The following CUL3 variants were observed in gnomAD, a reference collection of about 807,000 sequenced individuals.
CUL3 encodes the protein cullin-3.
CUL3 carries 19 observed loss-of-function variants against 89.1 expected under a neutral mutation model. That is an observed-to-expected ratio of 0.21 (90% CI 0.15 to 0.31). The LOEUF (loss-of-function observed/expected upper bound fraction) is 0.31, where lower values mean the gene tolerates loss of function less well. Ranked by LOEUF, CUL3 falls within the 10% of genes least tolerant of loss-of-function variation. The pLI, the probability that CUL3 is intolerant of heterozygous loss-of-function variation, is 1.00. For synonymous variants in CUL3, 351 were observed against 308.4 expected, an observed-to-expected ratio of 1.14 and a Z score of -1.45; for missense variants, 469 against 942.3, an observed-to-expected ratio of 0.50 and a Z score of 6.58.
At chr2:224,516,412 G>GT (rs892356157) in intron 3 of CUL3, among the ~76,000 whole-genome samples, 2 of 151,032 alleles carry the variant, frequency 1.3e-5, no homozygotes, top group African/African-American at 4.9e-5. Flanking sequence ...TGCCTCCCGA[G>GT]TTTAAGCGAT....
At chr2:224,518,114 G>A (rs1693134067) in intron 3 of CUL3, among the ~76,000 whole-genome samples, 1 of 152,142 alleles carries the variant, frequency 6.6e-6, no homozygotes. Context: ...CTTTTATCGG[G>A]ATTTGCAGCT....
chr2:224,479,882 G>A (rs1691469198), intron 14 of CUL3: 1 of 152,150 alleles, frequency 6.6e-6, no homozygotes, highest in Admixed American at 6.5e-5. Context: ...TCTGGATGTG[G>A]TCACCTAAAT....
At chr2:224,478,553 T>A in intron 14 of CUL3, 1 of 425,098 alleles carries the variant, frequency 2.4e-6, no homozygotes, top group Non-Finnish European at 4.1e-6. Flanking sequence ...GAATTTAACT[T>A]TGAGATAATA....
chr2:224,539,175 A>G lies in CUL3; in HGVS notation c.265-3534T>C, dbSNP rs566631157. The stretch of plus-strand genomic sequence containing the variant: ...GGCAAAAGATCTTGACAGACACCTA[A>G]CCAAAGAAGATATACAGATGGCAAG... On this transcript the variant is annotated intron_variant, in intron 2 of 15. Coordinates refer to ENST00000264414, the MANE Select transcript of CUL3 (RefSeq NM_003590.5). 2.0e-5 allele frequency among the ~76,000 whole-genome samples: 3 copies of G among 152,340 alleles called. No individual in the cohort carries two copies. The South Asian group carries it at 6.2e-4, about 32-fold the overall frequency.
At chr2:224,483,021 TCTC>T (rs773168632) in intron 13 of CUL3, among the ~76,000 whole-genome samples, 91 of 152,114 alleles carry the variant, frequency 6.0e-4, no homozygotes, top group Non-Finnish European at 1.1e-3. Flanking sequence ...ACAGTTCTGT[TCTC>T]CTAAAAAACT....
At chr2:224,521,796 GA>G (rs77368933) in intron 3 of CUL3, among the ~76,000 whole-genome samples, 131 of 140,294 alleles carry the variant, frequency 9.3e-4, no homozygotes, top group East Asian at 1.6e-3. Flanking sequence ...ATTTATTTAG[GA>G]AAAAAAAAAA....
At chr2:224,493,989 TTA>T (rs1370201615) in intron 13 of CUL3, among the ~76,000 whole-genome samples, 1 of 152,038 alleles carries the variant, frequency 6.6e-6, no homozygotes, top group Non-Finnish European at 1.5e-5. Context: ...AAATTCAAGG[TTA>T]CTCCCTAGGT....
At chr2:224,566,897 T>C (rs148428405) in intron 1 of CUL3, among the ~76,000 whole-genome samples, 149 of 152,338 alleles carry the variant, frequency 9.8e-4, no homozygotes, top group Middle Eastern at 3.4e-3. Flanking sequence ...GGTGTAGCGA[T>C]GGCTTCACAA....
intron 1 of CUL3, among the ~76,000 whole-genome samples, chr2:224,580,234 C>T (rs1046561912): frequency 2.0e-5 from 3 of 152,194 alleles, no homozygotes; most frequent in Non-Finnish European, 4.4e-5. Context: ...CTGGAATAAA[C>T]TTTTCCTTTG....
At chr2:224,568,396 T>C (rs987870785) in intron 1 of CUL3, among the ~76,000 whole-genome samples, 4 of 152,248 alleles carry the variant, frequency 2.6e-5, no homozygotes, top group African/African-American at 7.2e-5. Context: ...TAAGAGATTA[T>C]GCATTTTTCT....
chr2:224,529,035 T>C (rs1334910354), intron 3 of CUL3, among the ~76,000 whole-genome samples: 2 of 152,322 alleles, frequency 1.3e-5, no homozygotes, highest in African/African-American at 4.8e-5. Flanking sequence ...TTTGTTCCCT[T>C]TGACATTAAC....
At chr2:224,509,964 C>T (rs1692752957) in intron 6 of CUL3, among the ~76,000 whole-genome samples, 1 of 152,158 alleles carries the variant, frequency 6.6e-6, no homozygotes, top group African/African-American at 2.4e-5. Context: ...ATGGTTTTCA[C>T]ATTTTTAATG....
At chr2:224,538,085 C>T (rs566418015) in intron 2 of CUL3, among the ~76,000 whole-genome samples, 4 of 152,246 alleles carry the variant, frequency 2.6e-5, no homozygotes, top group South Asian at 2.1e-4. Context: ...TGACCAATAA[C>T]GGTGAATTTT....
At chr2:224,558,756 C>T (rs1439636623) in intron 1 of CUL3, among the ~76,000 whole-genome samples, 1 of 152,160 alleles carries the variant, frequency 6.6e-6, no homozygotes, top group Non-Finnish European at 1.5e-5. Context: ...GAAAAGGCCT[C>T]CCTTGGCTGG....
chr2:224,566,022 A>T (rs753243377), intron 1 of CUL3, among the ~76,000 whole-genome samples: 57 of 152,092 alleles, frequency 3.7e-4, no homozygotes, highest in Non-Finnish European at 7.8e-4. Flanking sequence ...TTTTCCATAG[A>T]TTACTACTGC....
In CUL3 at chr2:224,493,602, A is replaced by AG. The variant is rs763615559; in HGVS notation, c.1842+2229dup. Among the ~76,000 whole-genome samples, 11 of 152,362 alleles carry AG rather than the reference A, an allele frequency of 7.2e-5. No homozygotes were observed. The South Asian group carries it at 2.3e-3, about 32-fold the overall frequency. Reference sequence around the variant, plus strand: ...CTGCTTATTAGCATCAATGATTCCAAGTCAGATGGGAAAAGGAAAAGCTTG... The same window carrying AG: ...CTGCTTATTAGCATCAATGATTCCAAGGTCAGATGGGAAAAGGAAAAGCTTG... On this transcript the variant is annotated intron_variant, in intron 13 of 15. Transcript: ENST00000264414.
intron 3 of CUL3, among the ~76,000 whole-genome samples, chr2:224,534,570 A>T (rs1229518191): frequency 1.3e-5 from 2 of 152,230 alleles, no homozygotes; most frequent in Non-Finnish European, 2.9e-5. Flanking sequence ...GGAGATGTTA[A>T]TATGGTTTTT....
chr2:224,493,139 C>G (rs910995136), intron 13 of CUL3, among the ~76,000 whole-genome samples: 1 of 152,170 alleles, frequency 6.6e-6, no homozygotes, highest in Non-Finnish European at 1.5e-5. Flanking sequence ...CAATCCCTAA[C>G]CCACAGAAAC....
chr2:224,495,838 T>C lies in CUL3; in HGVS notation c.1836A>G (p.Thr612=), dbSNP rs1363183954. 1.2e-6 allele frequency: 2 copies of C among 1,608,922 alleles called. No individual in the cohort carries two copies. Among genetic ancestry groups the C allele is most frequent in the African/African-American group, 1.3e-5 (1 of 74,826 alleles). The change falls in exon 13 of 16, where the codon ACA becomes ACG. Residue 612 remains threonine, a synonymous_variant. Transcript: ENST00000264414. ...LMLFNNREKY[T]FEEIQQETDI... ...ATATAACCACAATCCATACCTCAAA[T>C]GTGTATTTTTCTCTATTATTAAAGA... is the stretch of plus-strand genomic sequence containing the variant.
Sources: allele counts gnomAD v4.1 joint callset (sites outside exome capture counted in the v4.1 genomes callset), GRCh38; gene constraint gnomAD v4.1.1; transcripts MANE v1.5; gene names NCBI Gene and HGNC (gene_info 2026-07-23, HGNC 2026-07-21).